RIMKLA: variants seen among roughly 807,000 people sequenced by gnomAD.
RIMKLA encodes the protein ribosomal modification protein rimK like family member A, also known as N-acetylaspartylglutamate synthase A.
Under a neutral mutation model 32.7 loss-of-function variants are expected in RIMKLA, and 14 were observed. That is an observed-to-expected ratio of 0.43 (90% CI 0.28 to 0.67). RIMKLA has a LOEUF of 0.67. RIMKLA is among the 30% of genes least tolerant of loss of function. The pLI, the probability that RIMKLA is intolerant of heterozygous loss-of-function variation, is 0.18. For missense variants in RIMKLA, 410 were observed against 519.0 expected, an observed-to-expected ratio of 0.79 and a Z score of 2.04; for synonymous variants, 176 against 204.1, an observed-to-expected ratio of 0.86 and a Z score of 1.18.
chr1:42,390,839 A>G (rs778329982), intron 1 of RIMKLA, among the ~76,000 whole-genome samples: 9 of 152,168 alleles, frequency 5.9e-5, no homozygotes, highest in African/African-American at 9.7e-5. Flanking sequence ...AAGGAGGGAC[A>G]TAAAGGGTTG....
At chr1:42,394,721 G>GT (rs2148387351) in intron 1 of RIMKLA, among the ~76,000 whole-genome samples, 1 of 151,944 alleles carries the variant, frequency 6.6e-6, no homozygotes, top group East Asian at 1.9e-4. Context: ...ATACAAATGC[G>GT]TAAGTCCAGT....
At chr1:42,387,868 A>T (rs1642963784) in intron 1 of RIMKLA, among the ~76,000 whole-genome samples, 1 of 126,526 alleles carries the variant, frequency 7.9e-6, no homozygotes, top group Non-Finnish European at 1.8e-5. Context: ...AAAAGAGCTA[A>T]GCAAGAAAAA....
At chr1:42,387,425 C>G (rs939564129) in intron 1 of RIMKLA, among the ~76,000 whole-genome samples, 2 of 151,962 alleles carry the variant, frequency 1.3e-5, no homozygotes, top group Non-Finnish European at 2.9e-5. Context: ...CCAGATTCCA[C>G]TATGAGAAAG....
At chr1:42,388,680 G>T (rs2148384599) in intron 1 of RIMKLA, among the ~76,000 whole-genome samples, 1 of 152,100 alleles carries the variant, frequency 6.6e-6, no homozygotes, top group East Asian at 1.9e-4. Flanking sequence ...CACCGTACTG[G>T]CTGATTTTTG....
chr1:42,381,210 A>G (rs2148380309), intron 1 of RIMKLA, 113 bp downstream of exon 1: 1 of 744,734 alleles, frequency 1.3e-6, no homozygotes, highest in Non-Finnish European at 1.9e-6. Flanking sequence ...GGGCCCGCAC[A>G]CTAGCCGCAC....
chr1:42,387,395 T>A (rs1642959845), intron 1 of RIMKLA, among the ~76,000 whole-genome samples: 2 of 123,166 alleles, frequency 1.6e-5, no homozygotes, highest in African/African-American at 5.5e-5. Flanking sequence ...AGACCCTGTT[T>A]CAAAAAAAAA....
intron 3 of RIMKLA, among the ~76,000 whole-genome samples, chr1:42,407,172 C>T (rs1350296519): frequency 6.6e-6 from 1 of 152,210 alleles, no homozygotes; most frequent in Non-Finnish European, 1.5e-5. Context: ...TCCCAAAATG[C>T]TGGGATTACA....
At chr1:42,413,181 A>G (rs1643215369) in intron 4 of RIMKLA, among the ~76,000 whole-genome samples, 1 of 152,060 alleles carries the variant, frequency 6.6e-6, no homozygotes, top group Non-Finnish European at 1.5e-5. Context: ...TCTAATCATG[A>G]GAAGAATACA....
At chr1:42,388,759 G>A (rs1373585623) in intron 1 of RIMKLA, among the ~76,000 whole-genome samples, 2 of 150,600 alleles carry the variant, frequency 1.3e-5, no homozygotes, top group South Asian at 2.1e-4. Flanking sequence ...CTCGTGATCC[G>A]CCCACCTTGG....
intron 1 of RIMKLA, among the ~76,000 whole-genome samples, chr1:42,388,635 C>T (rs1642971780): frequency 6.6e-6 from 1 of 151,948 alleles, no homozygotes; most frequent in South Asian, 2.1e-4. Flanking sequence ...TTCTCTGCCG[C>T]AGCCTCCCAA....
rs921756291 is a variant in RIMKLA at position 42,419,618 on chromosome 1, C to T, written c.*4644C>T. On this transcript the variant is annotated 3_prime_UTR_variant, in exon 5 of 5. Transcript: ENST00000431473. ...CCCATCCTGGGCCTACCCTCCGCCT[C>T]CTCCCCTTCTGATGAGCCTCTGTTC... The T allele has an allele frequency of 2.6e-5, 4 of 152,382 alleles. No individual in the cohort carries two copies. The highest frequency in any genetic ancestry group is 5.9e-5 in the Non-Finnish European group (4 of 68,170). 9.4% of individuals were successfully genotyped at this position (152,382 alleles called of 1,614,324 possible).
chr1:42,415,012 TG>T lies in RIMKLA; in HGVS notation c.*39del. The T allele has an allele frequency of 6.4e-7, 1 of 1,552,528 alleles. No individual in the cohort carries two copies. The highest frequency in any genetic ancestry group is 8.7e-7 in the Non-Finnish European group (1 of 1,151,884). On this transcript the variant is annotated 3_prime_UTR_variant, in exon 5 of 5. Coordinates refer to ENST00000431473, the MANE Select transcript of RIMKLA (RefSeq NM_173642.4). ...TGGCAGCATTTAAACCAAATCCTAC[TG>T]CTTCCCTAGTAGTTTTGAGTGAATA...
intron 4 of RIMKLA, among the ~76,000 whole-genome samples, chr1:42,413,318 A>G (rs556307817): frequency 3.8e-4 from 58 of 151,870 alleles, no homozygotes; most frequent in African/African-American, 1.4e-3. Context: ...CCTGGCCAAC[A>G]TGGTGAAACC....
At chr1:42,394,895 C>T (rs796195588) in intron 1 of RIMKLA, among the ~76,000 whole-genome samples, 7 of 152,138 alleles carry the variant, frequency 4.6e-5, no homozygotes, top group Admixed American at 4.6e-4. Context: ...CACACCACCA[C>T]GCCCAGCTAA....
chr1:42,399,951 T>C (rs1289495406), intron 2 of RIMKLA, among the ~76,000 whole-genome samples: 3 of 152,182 alleles, frequency 2.0e-5, no homozygotes. Flanking sequence ...GAACAGGCAA[T>C]TTCAGAGCAA....
At position 42,422,340 on chromosome 1, in the gene RIMKLA, G is replaced by A. The variant is rs1237519342; in HGVS notation, c.*7366G>A. The A allele has an allele frequency of 6.6e-6, 1 of 152,210 alleles. No individual in the cohort carries two copies. The highest frequency in any genetic ancestry group is 1.5e-5 in the Non-Finnish European group (1 of 68,034). 9.4% of individuals were successfully genotyped at this position (152,210 alleles called of 1,614,324 possible). ...ATTGGAGTGATTTGTAAAGTTCACT[G>A]TCACCTGTGGGCAGTAGTTCAGCTA... On this transcript the variant is annotated 3_prime_UTR_variant, in exon 5 of 5. Transcript: ENST00000431473.
rs1283993047 is a variant in RIMKLA at position 42,384,868 on chromosome 1, A to G, written c.163+3771A>G. 2.6e-5 allele frequency among the ~76,000 whole-genome samples: 4 copies of G among 152,094 alleles called. No homozygotes were observed. The East Asian group carries it at 7.7e-4, about 29-fold the overall frequency. The stretch of plus-strand genomic sequence containing the variant: ...CTCTGTGACTCCAGACCTTGCACTA[A>G]AATTCCCTCTGCCTCAGATGCCCAC... On this transcript the variant is annotated intron_variant, in intron 1 of 4. Coordinates refer to ENST00000431473, the MANE Select transcript of RIMKLA (RefSeq NM_173642.4).
intron 1 of RIMKLA, among the ~76,000 whole-genome samples, chr1:42,388,333 T>C (rs1642968054): frequency 6.6e-6 from 1 of 152,078 alleles, no homozygotes; most frequent in African/African-American, 2.4e-5. Context: ...GCCTCTCTAG[T>C]AGCTTGGATT....
In RIMKLA at chr1:42,406,153, G is replaced by A. The variant is rs189307092; in HGVS notation, c.481+1556G>A. Reference sequence around the variant, plus strand: ...AAGTTCCTGCCCTCGAGTAGCTTACGTTGTAGAAAGGTAAGACAGCAAACA... The same window carrying A: ...AAGTTCCTGCCCTCGAGTAGCTTACATTGTAGAAAGGTAAGACAGCAAACA... On this transcript the variant is annotated intron_variant, in intron 3 of 4. Transcript: ENST00000431473. 2.0e-3 allele frequency among the ~76,000 whole-genome samples: 310 copies of A among 152,276 alleles called. 2 individuals are homozygous for A. Among genetic ancestry groups the A allele is most frequent in the African/African-American group, 7.0e-3 (291 of 41,558 alleles).
Sources: allele counts gnomAD v4.1 joint callset (sites outside exome capture counted in the v4.1 genomes callset), GRCh38; gene constraint gnomAD v4.1.1; transcripts MANE v1.5; gene names NCBI Gene and HGNC (gene_info 2026-07-23, HGNC 2026-07-21).